The following LRRC4C variants were observed in gnomAD, a reference collection of about 807,000 sequenced individuals.
LRRC4C encodes the protein leucine-rich repeat-containing protein 4C.
In LRRC4C, 5 loss-of-function variants were observed where a neutral mutation model predicts 33.6. The observed-to-expected ratio is 0.15, with a 90% confidence interval of 0.08 to 0.31. LRRC4C has a LOEUF of 0.31. Ranked by LOEUF, LRRC4C falls within the 10% of genes least tolerant of loss-of-function variation. The pLI, the probability that LRRC4C is intolerant of heterozygous loss-of-function variation, is 1.00. For missense variants in LRRC4C, 560 were observed against 796.7 expected, an observed-to-expected ratio of 0.70 and a Z score of 3.58; for synonymous variants, 329 against 302.0, an observed-to-expected ratio of 1.09 and a Z score of -0.93.
rs1199472999 is a variant in LRRC4C, at chr11:41,429,952, T to C, written c.-496+29479A>G. 2.6e-5 allele frequency among the ~76,000 whole-genome samples: 4 copies of C among 151,996 alleles called. No individual in the cohort carries two copies. In the East Asian group the frequency reaches 5.8e-4, roughly 22 times the overall value. On this transcript the variant is annotated intron_variant, in intron 1 of 6. Transcript: ENST00000528697. The stretch of plus-strand genomic sequence containing the variant: ...CAGATGATGGTACTTGTGTAATAAA[T>C]GGTTAGAGAGGATCAATCATGCCAG...
At chr11:41,254,756 T>C (rs761467546) in intron 1 of LRRC4C, among the ~76,000 whole-genome samples, 1 of 152,046 alleles carries the variant, frequency 6.6e-6, no homozygotes, top group African/African-American at 2.4e-5. Flanking sequence ...CTCCATGGCA[T>C]AGAATTTTCC....
chr11:40,463,484 G>T (rs1337307512), intron 3 of LRRC4C, among the ~76,000 whole-genome samples: 1 of 151,930 alleles, frequency 6.6e-6, no homozygotes. Flanking sequence ...AAAATTGGTA[G>T]ATAAGACAGA....
intron 5 of LRRC4C, among the ~76,000 whole-genome samples, chr11:40,198,034 G>C (rs1465625965): frequency 6.6e-6 from 1 of 152,086 alleles, no homozygotes; most frequent in Non-Finnish European, 1.5e-5. Context: ...AGGATAAGTG[G>C]GAAGATGGGG....
chr11:41,254,308 G>A (rs570344489), intron 1 of LRRC4C, among the ~76,000 whole-genome samples: 2 of 152,046 alleles, frequency 1.3e-5, no homozygotes, highest in African/African-American at 4.8e-5. Context: ...ATTTTTCAAA[G>A]TCGGGAATCA....
At chr11:40,875,538 C>A (rs933490125) in intron 2 of LRRC4C, among the ~76,000 whole-genome samples, 3 of 152,080 alleles carry the variant, frequency 2.0e-5, no homozygotes, top group African/African-American at 7.2e-5. Flanking sequence ...AGACTTGGGT[C>A]TCATTCCAAG....
At chr11:40,717,385 T>C (rs1282111703) in intron 2 of LRRC4C, among the ~76,000 whole-genome samples, 1 of 152,156 alleles carries the variant, frequency 6.6e-6, no homozygotes, top group Non-Finnish European at 1.5e-5. Context: ...TTGAGTCTTT[T>C]GAAATCCCAG....
At chr11:40,972,078 G>A (rs2137000224) in intron 1 of LRRC4C, among the ~76,000 whole-genome samples, 1 of 151,864 alleles carries the variant, frequency 6.6e-6, no homozygotes, top group Non-Finnish European at 1.5e-5. Flanking sequence ...TTGGACTATG[G>A]ACTTTTGAGT....
At chr11:40,771,847 A>G (rs1256447928) in intron 2 of LRRC4C, among the ~76,000 whole-genome samples, 4 of 152,186 alleles carry the variant, frequency 2.6e-5, no homozygotes, top group Admixed American at 2.0e-4. Flanking sequence ...AGTCAAAGCC[A>G]TTCAACAAGT....
At chr11:40,625,055 T>C (rs1962799195) in intron 3 of LRRC4C, among the ~76,000 whole-genome samples, 1 of 152,122 alleles carries the variant, frequency 6.6e-6, no homozygotes, top group African/African-American at 2.4e-5. Context: ...TTCAGAATAA[T>C]ACTGTAGTAT....
At chr11:40,738,684 A>G (rs953763934) in intron 2 of LRRC4C, among the ~76,000 whole-genome samples, 5 of 152,166 alleles carry the variant, frequency 3.3e-5, no homozygotes, top group African/African-American at 1.2e-4. Context: ...ATTTATCTTC[A>G]CATATACAGA....
At chr11:40,944,636 C>A (rs933634316) in intron 1 of LRRC4C, among the ~76,000 whole-genome samples, 3 of 152,082 alleles carry the variant, frequency 2.0e-5, no homozygotes, top group African/African-American at 7.2e-5. Flanking sequence ...GAAAGCTTAG[C>A]CATGCAGAGG....
chr11:40,768,145 A>C (rs1310773351), intron 2 of LRRC4C, among the ~76,000 whole-genome samples: 1 of 152,054 alleles, frequency 6.6e-6, no homozygotes, highest in East Asian at 1.9e-4. Context: ...ATTACAAATG[A>C]TACTGAAGAA....
chr11:40,209,877 C>T (rs1348354640), intron 5 of LRRC4C, among the ~76,000 whole-genome samples: 1 of 152,084 alleles, frequency 6.6e-6, no homozygotes, highest in Admixed American at 6.6e-5. Context: ...TGAAAACCAG[C>T]AGATGCAGTT....
chr11:40,457,850 T>G (rs1766670330), intron 3 of LRRC4C, among the ~76,000 whole-genome samples: 1 of 152,300 alleles, frequency 6.6e-6, no homozygotes, highest in South Asian at 2.1e-4. Context: ...TGAAATTTTT[T>G]ATGTCATATT....
intron 5 of LRRC4C, among the ~76,000 whole-genome samples, chr11:40,182,224 C>T (rs533531244): frequency 7.2e-5 from 11 of 152,182 alleles, no homozygotes; most frequent in African/African-American, 2.4e-4. Flanking sequence ...TAATTTTATC[C>T]TTATAACACT....
intron 1 of LRRC4C, among the ~76,000 whole-genome samples, chr11:40,968,219 G>A (rs1851488687): frequency 6.6e-6 from 1 of 152,040 alleles, no homozygotes; most frequent in Non-Finnish European, 1.5e-5. Flanking sequence ...CCAGAGGAAG[G>A]CCCTAATTTC....
intron 1 of LRRC4C, among the ~76,000 whole-genome samples, chr11:41,277,911 G>A (rs192770872): frequency 4.3e-4 from 66 of 151,908 alleles, no homozygotes; most frequent in Non-Finnish European, 7.7e-4. Context: ...AGGACATTAT[G>A]TTAAATGACT....
At chr11:40,615,209 T>C (rs1591281440) in intron 3 of LRRC4C, among the ~76,000 whole-genome samples, 1 of 146,108 alleles carries the variant, frequency 6.8e-6, no homozygotes, top group East Asian at 2.0e-4. Flanking sequence ...TAATACTGTC[T>C]ATGCAATCAC....
intron 3 of LRRC4C, among the ~76,000 whole-genome samples, chr11:40,329,939 CA>C (rs1946283730): frequency 6.6e-6 from 1 of 151,914 alleles, no homozygotes; most frequent in Non-Finnish European, 1.5e-5. Context: ...GATGGGGTTT[CA>C]CTGTGTTAGC....
Sources: gnomAD v4.1 joint callset for allele counts (sites outside exome capture counted in the v4.1 genomes callset) on GRCh38, gnomAD v4.1.1 for gene constraint, MANE v1.5 for transcripts, NCBI Gene and HGNC (gene_info 2026-07-23, HGNC 2026-07-21) for gene names.